CUL9: variants seen among roughly 807,000 people sequenced by gnomAD.
The protein encoded by CUL9 is cullin-9.
CUL9 carries 79 observed loss-of-function variants against 272.6 expected under a neutral mutation model. The ratio of observed to expected loss-of-function variants is 0.29; its 90% CI spans 0.24 to 0.35. The LOEUF (loss-of-function observed/expected upper bound fraction) is 0.35. Among genes scored for constraint, CUL9 ranks in the 10% least tolerant of loss-of-function variants. The pLI, the probability that CUL9 is intolerant of heterozygous loss-of-function variation, is 1.00. For missense variants in CUL9, 2,532 were observed against 3,255.6 expected (o/e 0.78, Z 5.41); for synonymous variants, 1,186 against 1,286.5 (o/e 0.92, Z 1.67).
intron 29 of CUL9, 93 bp from the exon 30 acceptor site, chr6:43,214,985 AG>A (rs1436608016): frequency 2.5e-5 from 35 of 1,410,208 alleles, no homozygotes; most frequent in Admixed American, 7.0e-5. Context: ...TTAAAAAAAA[AG>A]GGGGGGAAAA....
intron 4 of CUL9, 79 bp from the exon 5 acceptor site, chr6:43,186,880 TC>T: frequency 6.5e-7 from 1 of 1,539,912 alleles, no homozygotes; most frequent in Non-Finnish European, 8.8e-7. Flanking sequence ...CTTGGGCATG[TC>T]CTTTCAAGCC....
Position 43,203,136 on chromosome 6 carries a change from G to T in CUL9, c.3781G>T (p.Val1261Leu). 6.2e-7 allele frequency: 1 copy of T among 1,613,732 alleles called. No homozygotes were observed. The highest frequency in any genetic ancestry group is 1.3e-5 in the African/African-American group (1 of 75,044). Residue 1261 changes from valine (V) to leucine (L), a missense_variant, in exon 18 of 41, where the codon GTG (valine) becomes TTG (leucine). Transcript: ENST00000252050. The surrounding 1 kb of genome is among the most constrained non-coding windows in gnomAD (Gnocchi z 5.0). ...GAATGTGATGCCCTCTGCCAGCCGG[G>T]TGATCCTCTTGGAGAACCTGAACCG... Reference protein sequence around the residue: ...TVNVMPSASRVILLENLNRFW... With the variant: ...TVNVMPSASRLILLENLNRFW...
Position 43,215,152 on chromosome 6 carries a change from G to C in CUL9, c.5762G>C (p.Cys1921Ser). The C allele has an allele frequency of 1.9e-6, 3 of 1,614,230 alleles. No individual in the cohort carries two copies. Among genetic ancestry groups the C allele is most frequent in the Non-Finnish European group, 2.5e-6 (3 of 1,180,044 alleles). ...CACACTGTTGCTGGGGGTGTGGCCT[G>C]TACCAGTACAGATGTCCTCTCTTGC... ...LGHTVAGGVACTSTDVLSCIL... is the reference protein window; with the variant it reads ...LGHTVAGGVASTSTDVLSCIL... Residue 1921 changes from cysteine (C) to serine (S), a missense_variant, in exon 30 of 41, where the codon TGT (cysteine) becomes TCT (serine). Physicochemically the swap from Cys to Ser is moderately radical, Grantham distance 112 (BLOSUM62 -1). Around this residue, in one of 3 missense-constraint regions of CUL9, gnomAD observed 2,218 missense variants for 2,788.6 expected, o/e 0.80. Coordinates refer to ENST00000252050, the MANE Select transcript of CUL9 (RefSeq NM_015089.4).
At position 43,187,365 on chromosome 6, in the gene CUL9, C is replaced by G. The variant is rs757153646; in HGVS notation, c.1507C>G (p.Leu503Val). ...YLTQAEWWELLFFIKKLDLCE... is the reference protein window; with the variant it reads ...YLTQAEWWELVFFIKKLDLCE... ...GACCCAGGCTGAATGGTGGGAGCTG[C>G]TTTTCTTTATCAAAAAGTTGGACTT... Residue 503 changes from leucine to valine, a missense_variant, in exon 6 of 41, where the codon CTT becomes GTT. Physicochemically the swap from Leu to Val is conservative, Grantham distance 32 (BLOSUM62 1). This residue lies in a region of CUL9 where 2,218 missense variants were observed against 2,788.6 expected (regional missense o/e 0.80). Transcript: ENST00000252050. The G allele has an allele frequency of 6.2e-7, 1 of 1,614,086 alleles. No homozygotes were observed.
rs1430499811 is a variant in CUL9 at position 43,220,918 on chromosome 6, G to GC, written c.6588+11dup. 5.0e-6 allele frequency: 8 copies of GC among 1,603,174 alleles called. No individual in the cohort carries two copies. Among genetic ancestry groups the GC allele is most frequent in the Non-Finnish European group, 6.8e-6 (8 of 1,174,620 alleles). ...CAACTGTAGCTTCCCTGAGGTGGGA[G>GC]CCCCACACTGGCCCTGACCCTGAGC... On this transcript the variant is annotated splice_region_variant and intron_variant, in intron 33 of 40. Coordinates refer to ENST00000252050, the MANE Select transcript of CUL9 (RefSeq NM_015089.4). This position sits in a 1 kb window ranked among gnomAD's most constrained non-coding sequence, Gnocchi z 4.9.
intron 8 of CUL9, among the ~76,000 whole-genome samples, chr6:43,190,621 T>C (rs1246274861): frequency 1.3e-5 from 2 of 152,234 alleles, no homozygotes; most frequent in Non-Finnish European, 2.9e-5. Flanking sequence ...ATTTCTCTAG[T>C]CATATGTATT....
chr6:43,202,300 G>A (rs1450084887), intron 16 of CUL9, among the ~76,000 whole-genome samples: 1 of 152,198 alleles, frequency 6.6e-6, no homozygotes, highest in Admixed American at 6.5e-5. Flanking sequence ...ACCTGTTGGG[G>A]ACACAGCATG....
At position 43,221,594 on chromosome 6, in the gene CUL9, A is replaced by T; in HGVS notation, c.6753-91A>T. The T allele has an allele frequency of 8.3e-7, 1 of 1,200,534 alleles. No homozygotes were observed. The highest frequency in any genetic ancestry group is 1.2e-6 in the Non-Finnish European group (1 of 833,360). 74.4% of individuals were successfully genotyped at this position (1,200,534 alleles called of 1,614,324 possible). On this transcript the variant is annotated intron_variant, in intron 34 of 40. Coordinates refer to ENST00000252050, the MANE Select transcript of CUL9 (RefSeq NM_015089.4). This position sits in a 1 kb window ranked among gnomAD's most constrained non-coding sequence, Gnocchi z 4.2. Reference sequence around the variant, plus strand: ...CTATCAGGGCAGGAGCAGAGGCCACAGCATCAACAGCGGTACATCTGGGCC... The same window carrying T: ...CTATCAGGGCAGGAGCAGAGGCCACTGCATCAACAGCGGTACATCTGGGCC...
In CUL9 at chr6:43,223,302, C is replaced by T. The variant is rs1049275418; in HGVS notation, c.7189C>T (p.Leu2397=). ...GCGGTGCAGAGACCTGGCCTCCTCC[C>T]TGCGCCTCCTGCGGGCCGACTGCCT... ...LLRCRDLASS[L]RLLRADCLST... Residue 2397 remains leucine (L), a synonymous_variant, in exon 39 of 41, where the codon CTG becomes TTG. Transcript: ENST00000252050. This position sits in a 1 kb window ranked among gnomAD's most constrained non-coding sequence, Gnocchi z 4.1. 27 of 1,599,870 alleles carry T rather than the reference C, an allele frequency of 1.7e-5. No individual in the cohort carries two copies. Among genetic ancestry groups the T allele is most frequent in the Non-Finnish European group, 2.0e-5 (24 of 1,173,440 alleles).
In CUL9 at chr6:43,202,772, T is replaced by A; in HGVS notation, c.3704T>A (p.Val1235Glu). The change falls in exon 17 of 41, where the codon GTG (valine) becomes GAG (glutamate). Residue 1235 changes from valine to glutamate, a missense_variant. Physicochemically the swap from Val to Glu is moderately radical, Grantham distance 121. Around this residue, in one of 3 missense-constraint regions of CUL9, gnomAD observed 2,218 missense variants for 2,788.6 expected, o/e 0.80. Transcript: ENST00000252050. ...EDSSYMPARV[V>E]VFGGDSTSCI... ...TCAAGCTACATGCCAGCCAGGGTGG[T>A]GGTGTTTGGGGGTGACAGCACCAGC... 6.2e-7 allele frequency: 1 copy of A among 1,613,940 alleles called. No homozygotes were observed. The highest frequency in any genetic ancestry group is 1.3e-5 in the African/African-American group (1 of 74,954).
rs1372209772 is a variant in CUL9, at chr6:43,223,239, G to A, written c.7151-25G>A. 3.2e-6 allele frequency: 5 copies of A among 1,576,150 alleles called. No homozygotes were observed. The highest frequency in any genetic ancestry group is 1.8e-4 in the Middle Eastern group (1 of 5,490). Reference sequence around the variant, plus strand: ...ATGGATGAGAATGAGAAGGGAGGGAGCCTCTGTGCCTGCCCCCTCTGCAGA... The same window carrying A: ...ATGGATGAGAATGAGAAGGGAGGGAACCTCTGTGCCTGCCCCCTCTGCAGA... On this transcript the variant is annotated intron_variant, in intron 38 of 40. Transcript: ENST00000252050. This position sits in a 1 kb window ranked among gnomAD's most constrained non-coding sequence, Gnocchi z 4.1.
Position 43,200,535 on chromosome 6 carries a change from C to A in CUL9, c.3475+9C>A, listed in dbSNP as rs369235680. On this transcript the variant is annotated intron_variant, in intron 15 of 40. Coordinates refer to ENST00000252050, the MANE Select transcript of CUL9 (RefSeq NM_015089.4). The surrounding 1 kb of genome is among the most constrained non-coding windows in gnomAD (Gnocchi z 4.0). ...CAGGCATCTCTGCCAGGGTTAGTGC[C>A]CTCATCTGCTTTCTCCTGGCTCCCA... 6.2e-6 allele frequency: 10 copies of A among 1,614,050 alleles called. No homozygotes were observed. The highest frequency in any genetic ancestry group is 8.5e-6 in the Non-Finnish European group (10 of 1,180,038).
chr6:43,191,319 T>G (rs373677733), intron 8 of CUL9, among the ~76,000 whole-genome samples: 40 of 149,480 alleles, frequency 2.7e-4, no homozygotes, highest in East Asian at 1.2e-3. Flanking sequence ...TTGTTTGTTT[T>G]TTTGTTTTTC....
chr6:43,184,835 A>T lies in CUL9; in HGVS notation c.525A>T (p.Leu175Phe). The change falls in exon 2 of 41, where the codon TTA becomes TTT. Residue 175 changes from leucine (L) to phenylalanine (F), a missense_variant. Physicochemically the swap from Leu to Phe is conservative, Grantham distance 22. This residue lies in a region of CUL9 where 2,218 missense variants were observed against 2,788.6 expected (regional missense o/e 0.80). Transcript: ENST00000252050. This position sits in a 1 kb window ranked among gnomAD's most constrained non-coding sequence, Gnocchi z 4.8. ...CCCTGGACCTGCTCATGCACATGTTATGCAATCCTGAGCCTCAGATCCGCC... is the reference window on the plus strand; with the variant it reads ...CCCTGGACCTGCTCATGCACATGTTTTGCAATCCTGAGCCTCAGATCCGCC... ...TGALDLLMHM[L>F]CNPEPQIRRS... The T allele has an allele frequency of 6.2e-7, 1 of 1,611,518 alleles. No individual in the cohort carries two copies. The highest frequency in any genetic ancestry group is 1.1e-5 in the South Asian group (1 of 91,084).
chr6:43,206,123 T>A lies in CUL9; in HGVS notation c.4910T>A (p.Leu1637Gln). The change falls in exon 25 of 41, where the codon CTG (leucine) becomes CAG (glutamine). Residue 1637 changes from leucine (L) to glutamine (Q), a missense_variant. Transcript: ENST00000252050. The surrounding 1 kb of genome is among the most constrained non-coding windows in gnomAD (Gnocchi z 4.8). ...NRLPQLMLQS[L>Q]STSEELQRQF... The stretch of plus-strand genomic sequence containing the variant: ...CTCCCACAGCTGATGCTGCAGAGCC[T>A]GAGCACCTCTGAGGAGCTGCAGCGC... The A allele has an allele frequency of 6.2e-7, 1 of 1,614,180 alleles. No individual in the cohort carries two copies. Among genetic ancestry groups the A allele is most frequent in the Non-Finnish European group, 8.5e-7 (1 of 1,180,028 alleles).
chr6:43,184,356 C>T lies in CUL9; in HGVS notation c.46C>T (p.Pro16Ser), dbSNP rs1397363980. The change falls in exon 2 of 41, where the codon CCT (proline) becomes TCT (serine). Residue 16 changes from proline (P) to serine (S), a missense_variant. Physicochemically the swap from Pro to Ser is moderately conservative, Grantham distance 74. This residue lies in a region of CUL9 where 2,218 missense variants were observed against 2,788.6 expected (regional missense o/e 0.80). Transcript: ENST00000252050. This position sits in a 1 kb window ranked among gnomAD's most constrained non-coding sequence, Gnocchi z 4.8. ...TGGGGACCTCATGGTGCCCTTAGGGCCTCGGCTGCAGGCATATCCTGAAGA... is the reference window on the plus strand; with the variant it reads ...TGGGGACCTCATGGTGCCCTTAGGGTCTCGGCTGCAGGCATATCCTGAAGA... Reference protein sequence around the residue: ...HAGDLMVPLGPRLQAYPEELI... With the variant: ...HAGDLMVPLGSRLQAYPEELI... The T allele has an allele frequency of 6.3e-7, 1 of 1,585,582 alleles. No homozygotes were observed. The highest frequency in any genetic ancestry group is 8.6e-7 in the Non-Finnish European group (1 of 1,162,666).
In CUL9 at chr6:43,213,901, C is replaced by G. The variant is rs1233606472; in HGVS notation, c.5677C>G (p.Leu1893Val). ...GGAAAAGGGCCTCCACATTGATCAG[C>G]TGGTTTGTCTGGTAGGCAGAGAGGG... is the stretch of plus-strand genomic sequence containing the variant. Reference protein sequence around the residue: ...HGEKGLHIDQLVCLVLEAWQK... With the variant: ...HGEKGLHIDQVVCLVLEAWQK... The change falls in exon 29 of 41, where the codon CTG becomes GTG. Residue 1893 changes from leucine (L) to valine (V), a missense_variant. Physicochemically the swap from Leu to Val is conservative, Grantham distance 32 (BLOSUM62 1). Around this residue, in one of 3 missense-constraint regions of CUL9, gnomAD observed 2,218 missense variants for 2,788.6 expected, o/e 0.80. Transcript: ENST00000252050. This position sits in a 1 kb window ranked among gnomAD's most constrained non-coding sequence, Gnocchi z 5.7. 3 of 1,614,008 alleles carry G rather than the reference C, an allele frequency of 1.9e-6. No individual in the cohort carries two copies. In the South Asian group the frequency reaches 3.3e-5, roughly 18 times the overall value.
rs147313295 is a variant in CUL9, at chr6:43,215,310, G to A, written c.5920G>A (p.Glu1974Lys). The change falls in exon 30 of 41, where the codon GAA (glutamate) becomes AAA (lysine). Residue 1974 changes from glutamate to lysine, a missense_variant. Glu to Lys is a moderately conservative substitution (Grantham distance 56). Coordinates refer to ENST00000252050, the MANE Select transcript of CUL9 (RefSeq NM_015089.4). The part of the protein sequence containing the change: ...ADVPFCGSQS[E>K]TSKPSPEAVA... ...TGTCCCTTTCTGTGGCAGCCAGAGC[G>A]AAACCTCCAAGCCCAGGTAGCCACT... 7.8e-5 allele frequency: 125 copies of A among 1,610,438 alleles called. No homozygotes were observed. The East Asian group carries it at 1.1e-3, about 14-fold the overall frequency.
Position 43,205,003 on chromosome 6 carries a change from A to G in CUL9, c.4520A>G (p.His1507Arg), listed in dbSNP as rs756341681. Reference sequence around the variant, plus strand: ...CCTCGTTACTGTAAACTCTATGAGCACTTGCAGAGAGCAGGCTCCGAGCTG... The same window carrying G: ...CCTCGTTACTGTAAACTCTATGAGCGCTTGCAGAGAGCAGGCTCCGAGCTG... ...FVPRYCKLYEHLQRAGSELFG... is the reference protein window; with the variant it reads ...FVPRYCKLYERLQRAGSELFG... Residue 1507 changes from histidine to arginine, a missense_variant, in exon 23 of 41, where the codon CAC (histidine) becomes CGC (arginine). Physicochemically the swap from His to Arg is conservative, Grantham distance 29. Around this residue, in one of 3 missense-constraint regions of CUL9, gnomAD observed 2,218 missense variants for 2,788.6 expected, o/e 0.80. Coordinates refer to ENST00000252050, the MANE Select transcript of CUL9 (RefSeq NM_015089.4). The G allele has an allele frequency of 3.1e-6, 5 of 1,613,554 alleles. No homozygotes were observed. The highest frequency in any genetic ancestry group is 1.7e-5 in the Admixed American group (1 of 59,976).
Sources: gnomAD v4.1 joint callset for allele counts (sites outside exome capture counted in the v4.1 genomes callset) on GRCh38, gnomAD v4.1.1 for gene constraint, gnomAD v4.1.1 regional missense constraint, Gnocchi (gnomAD v3.1) non-coding constraint, MANE v1.5 for transcripts, NCBI Gene and HGNC (gene_info 2026-07-23, HGNC 2026-07-21) for gene names.